Variants in PRLR observed in about 807,000 individuals in gnomAD.
The protein encoded by PRLR is hPRL receptor.
Under a neutral mutation model 40.2 loss-of-function variants are expected in PRLR, and 13 were observed. The ratio of observed to expected loss-of-function variants is 0.32; its 90% CI spans 0.21 to 0.51. PRLR has a LOEUF of 0.51. Among genes scored for constraint, PRLR ranks in the 20% least tolerant of loss-of-function variants. The pLI, the probability that PRLR is intolerant of heterozygous loss-of-function variation, is 0.97. For synonymous variants in PRLR, 269 were observed against 278.7 expected (o/e 0.97, Z 0.35); for missense variants, 656 against 747.3 (o/e 0.88, Z 1.42).
At chr5:35,107,542 A>T (rs1459309085) in intron 2 of PRLR, among the ~76,000 whole-genome samples, 4 of 152,214 alleles carry the variant, frequency 2.6e-5, no homozygotes, top group African/African-American at 9.7e-5. Context: ...TGATAAAGGG[A>T]TATCACCACC....
intron 1 of PRLR, among the ~76,000 whole-genome samples, chr5:35,156,487 A>G (rs1048442221): frequency 6.6e-6 from 1 of 152,208 alleles, no homozygotes; most frequent in Non-Finnish European, 1.5e-5. Flanking sequence ...AAAGTTATAC[A>G]ATGACCTACA....
intron 1 of PRLR, among the ~76,000 whole-genome samples, chr5:35,141,816 A>G (rs189787251): frequency 6.6e-6 from 1 of 151,438 alleles, no homozygotes; most frequent in East Asian, 2.0e-4. Context: ...CCCACCCCCA[A>G]CTCCTCATTG....
In PRLR at chr5:35,068,782, T is replaced by C; in HGVS notation, c.782A>G (p.Tyr261Cys). The change falls in exon 8 of 10, where the codon TAT (tyrosine) becomes TGT (cysteine). Residue 261 changes from tyrosine (Y) to cysteine (C), a missense_variant. Physicochemically the swap from Tyr to Cys is radical, Grantham distance 194. Around this residue, in one of 3 missense-constraint regions of PRLR, gnomAD observed 469 missense variants for 491.5 expected, o/e 0.95. Coordinates refer to ENST00000618457, the MANE Select transcript of PRLR (RefSeq NM_000949.7). ...IIVWAVALKG[Y>C]SMVTCIFPPV... is the part of the protein sequence containing the mutation. ...AAGTTGAGAGACAGTGAAGTACCTA[T>C]AGCCCTTCAAAGCCACTGCCCAGAC... The C allele has an allele frequency of 1.9e-6, 3 of 1,591,352 alleles. No homozygotes were observed. The highest frequency in any genetic ancestry group is 1.7e-5 in the Admixed American group (1 of 59,926).
intron 5 of PRLR, among the ~76,000 whole-genome samples, 178 bp from the exon 6 acceptor site, chr5:35,072,922 T>C (rs1179007227): frequency 6.6e-6 from 1 of 152,250 alleles, no homozygotes; most frequent in African/African-American, 2.4e-5. Flanking sequence ...CCAATCATAT[T>C]TGTGCATACA....
chr5:35,130,827 G>T (rs2962087), intron 1 of PRLR, among the ~76,000 whole-genome samples: 30,107 of 152,064 alleles, frequency 0.2, 5,169 homozygotes, highest in African/African-American at 0.47. Context: ...CCAATAGGAC[G>T]GATGTTTTTA....
In PRLR at chr5:35,080,985, G is replaced by A. The variant is rs1013236688; in HGVS notation, c.373+3485C>T. ...ATGTTCTCACTCACAGGTGGGAATT[G>A]AACAATGAGAACACTTGAACACAGG... On this transcript the variant is annotated intron_variant, in intron 5 of 9. Transcript: ENST00000618457. Among the ~76,000 whole-genome samples, 4 of 134,698 alleles carry A rather than the reference G, an allele frequency of 3.0e-5. No homozygotes were observed. The East Asian group carries it at 8.8e-4, about 30-fold the overall frequency. 88.4% of individuals were successfully genotyped at this position (134,698 alleles called of 152,430 possible). A position where few individuals can be genotyped will look rare whatever the true frequency, so the allele number is the denominator to read the frequency against.
rs771482862 is a variant in PRLR, at chr5:35,065,354, T to C, written c.1604A>G (p.Lys535Arg). The C allele has an allele frequency of 5.0e-6, 8 of 1,614,174 alleles. No individual in the cohort carries two copies. The Admixed American group carries it at 1.2e-4, about 24-fold the overall frequency. Residue 535 changes from lysine to arginine, a missense_variant, in exon 10 of 10, where the codon AAG becomes AGG. This residue lies in a region of PRLR where 469 missense variants were observed against 491.5 expected (regional missense o/e 0.95). Transcript: ENST00000618457. ...PKQRENSGKP[K>R]KPGTPENNKE... ...ATTGTTCTCAGGAGTCCCGGGCTTC[T>C]TGGGCTTGCCGCTGTTCTCTCTCTG...
intron 1 of PRLR, among the ~76,000 whole-genome samples, chr5:35,219,934 C>T (rs763990770): frequency 3.3e-5 from 5 of 152,152 alleles, no homozygotes; most frequent in South Asian, 2.1e-4. Context: ...CCAGCACTTT[C>T]GCTGGTCCCC....
At chr5:35,076,418 T>C (rs1770101942) in intron 5 of PRLR, among the ~76,000 whole-genome samples, 2 of 152,138 alleles carry the variant, frequency 1.3e-5, no homozygotes, top group Non-Finnish European at 2.9e-5. Flanking sequence ...CAGTAGCCGA[T>C]TTGTTCAAGT....
At chr5:35,144,065 G>T (rs1359761457) in intron 1 of PRLR, among the ~76,000 whole-genome samples, 1 of 145,536 alleles carries the variant, frequency 6.9e-6, no homozygotes, top group African/African-American at 2.6e-5. Context: ...TCTATTTAAG[G>T]CACCAGTTTT....
intron 1 of PRLR, among the ~76,000 whole-genome samples, chr5:35,154,156 T>C (rs1774420644): frequency 6.6e-6 from 1 of 152,186 alleles, no homozygotes; most frequent in African/African-American, 2.4e-5. Context: ...GAATAGTTTC[T>C]AGGTAGAAAA....
At chr5:35,104,833 G>T (rs1255963304) in intron 2 of PRLR, among the ~76,000 whole-genome samples, 1 of 152,228 alleles carries the variant, frequency 6.6e-6, no homozygotes, top group Non-Finnish European at 1.5e-5. Context: ...AACTTCTGCA[G>T]ACTTAAATGT....
intron 1 of PRLR, among the ~76,000 whole-genome samples, chr5:35,228,513 G>C (rs2111699886): frequency 6.6e-6 from 1 of 152,344 alleles, no homozygotes; most frequent in African/African-American, 2.4e-5. Flanking sequence ...AGCAAAGACT[G>C]CTTCATTTCC....
chr5:35,149,223 C>T (rs539359016), intron 1 of PRLR, among the ~76,000 whole-genome samples: 2 of 152,188 alleles, frequency 1.3e-5, no homozygotes, highest in East Asian at 3.9e-4. Flanking sequence ...AGATTTATTA[C>T]TGTGGGAGTT....
chr5:35,171,958 A>G (rs1205765931), intron 1 of PRLR, among the ~76,000 whole-genome samples: 1 of 152,156 alleles, frequency 6.6e-6, no homozygotes, highest in Non-Finnish European at 1.5e-5. Flanking sequence ...TTGAATGCAA[A>G]TGTATTTATT....
intron 1 of PRLR, among the ~76,000 whole-genome samples, chr5:35,162,760 C>T (rs1465041955): frequency 1.3e-5 from 2 of 152,204 alleles, no homozygotes; most frequent in African/African-American, 2.4e-5. Flanking sequence ...CAAGGTCTAC[C>T]TCTCCACATG....
At position 35,084,495 on chromosome 5, in the gene PRLR, T is replaced by C. The variant is rs775365993; in HGVS notation, c.348A>G (p.Glu116=). The change falls in exon 5 of 10, where the codon GAA becomes GAG. Residue 116 remains glutamate (E), a synonymous_variant. Coordinates refer to ENST00000618457, the MANE Select transcript of PRLR (RefSeq NM_000949.7). ...TNQMGSSFSD[E]LYVDVTYIVQ... is the part of the protein sequence containing the mutation. ...CTATGTAAGTCACGTCCACATAAAGTTCATCCGAGAAACTGCTTCCCATCT... is the reference window on the plus strand; with the variant it reads ...CTATGTAAGTCACGTCCACATAAAGCTCATCCGAGAAACTGCTTCCCATCT... 53 of 1,575,076 alleles carry C rather than the reference T, an allele frequency of 3.4e-5. 2 individuals are homozygous for C. The South Asian group carries it at 6.4e-4, about 19-fold the overall frequency.
chr5:35,090,582 TTTGTTGTTGTTG>T (rs146987418), intron 2 of PRLR, among the ~76,000 whole-genome samples: 26 of 151,264 alleles, frequency 1.7e-4, no homozygotes, highest in African/African-American at 2.4e-5. Context: ...ATTGTTTCAT[TTTGTTGTTGTTG>T]TTGTTGTTGT....
At chr5:35,116,943 A>G (rs996419241) in intron 2 of PRLR, among the ~76,000 whole-genome samples, 1 of 152,180 alleles carries the variant, frequency 6.6e-6, no homozygotes, top group African/African-American at 2.4e-5. Flanking sequence ...ACATTTGGCA[A>G]AGCCTGGAAA....
Sources: gnomAD v4.1 joint callset for allele counts (sites outside exome capture counted in the v4.1 genomes callset) on GRCh38, gnomAD v4.1.1 for gene constraint, gnomAD v4.1.1 regional missense constraint, MANE v1.5 for transcripts, NCBI Gene and HGNC (gene_info 2026-07-23, HGNC 2026-07-21) for gene names.